The following FAM227B variants were observed in gnomAD, a reference collection of about 807,000 sequenced individuals.
FAM227B encodes the protein family with sequence similarity 227 member B.
Under a neutral mutation model 73.8 loss-of-function variants are expected in FAM227B, and 88 were observed. The observed-to-expected ratio is 1.19, with a 90% CI of 1.00 to 1.42. The LOEUF is 1.42. FAM227B is among the 40% of genes most tolerant of loss of function. The pLI is 0.00. For missense variants in FAM227B, 632 were observed against 590.9 expected (o/e 1.07, Z -0.72); for synonymous variants, 210 against 190.5 (o/e 1.10, Z -0.84).
chr15:49,352,679 C>T (rs1489489418), intron 13 of FAM227B, among the ~76,000 whole-genome samples: 1 of 152,154 alleles, frequency 6.6e-6, no homozygotes, highest in South Asian at 2.1e-4. Context: ...ACATCCTTTT[C>T]CCTAAAGATA....
chr15:49,605,033 T>G (rs565738229), intron 3 of FAM227B, among the ~76,000 whole-genome samples: 1 of 152,240 alleles, frequency 6.6e-6, no homozygotes, highest in East Asian at 1.9e-4. Context: ...AGTTTGTAGA[T>G]CTCTATTTTT....
intron 3 of FAM227B, among the ~76,000 whole-genome samples, chr15:49,602,712 T>C (rs760569160): frequency 1.3e-5 from 2 of 152,202 alleles, no homozygotes; most frequent in East Asian, 1.9e-4. Context: ...GCTCAAGAAA[T>C]CTTTGCCCAG....
chr15:49,435,155 TA>T (rs1467030530), intron 11 of FAM227B, among the ~76,000 whole-genome samples: 1 of 151,492 alleles, frequency 6.6e-6, no homozygotes, highest in Non-Finnish European at 1.5e-5. Flanking sequence ...ATGAATGAAA[TA>T]TTTTTTACTT....
intron 3 of FAM227B, among the ~76,000 whole-genome samples, chr15:49,593,741 T>A (rs1364439504): frequency 6.6e-6 from 1 of 152,216 alleles, no homozygotes; most frequent in Non-Finnish European, 1.5e-5. Flanking sequence ...TCCAACTCCA[T>A]CCAGGTTGCT....
At chr15:49,587,528 A>C (rs1460014149) in intron 5 of FAM227B, among the ~76,000 whole-genome samples, 1 of 152,168 alleles carries the variant, frequency 6.6e-6, no homozygotes, top group Non-Finnish European at 1.5e-5. Flanking sequence ...AGGTGGCTAG[A>C]CTAATGGTGA....
chr15:49,404,120 C>T (rs2048357181), intron 11 of FAM227B, among the ~76,000 whole-genome samples: 1 of 152,024 alleles, frequency 6.6e-6, no homozygotes, highest in African/African-American at 2.4e-5. Context: ...TGTGTGTGGT[C>T]CAAGAGACTG....
At chr15:49,529,246 T>C (rs1307333952) in intron 10 of FAM227B, among the ~76,000 whole-genome samples, 1 of 151,478 alleles carries the variant, frequency 6.6e-6, no homozygotes, top group African/African-American at 2.4e-5. Flanking sequence ...TACCATATAT[T>C]CTCATAAGTG....
At chr15:49,381,537 TTTG>T (rs767940549) in intron 11 of FAM227B, among the ~76,000 whole-genome samples, 27 of 152,214 alleles carry the variant, frequency 1.8e-4, no homozygotes, top group Non-Finnish European at 3.2e-4. Flanking sequence ...AAAATTATTT[TTTG>T]TTATGTAAAA....
At chr15:49,571,047 C>A (rs1250249228) in intron 8 of FAM227B, among the ~76,000 whole-genome samples, 2 of 151,076 alleles carry the variant, frequency 1.3e-5, no homozygotes, top group South Asian at 2.1e-4. Flanking sequence ...CATGAAAATG[C>A]AAATCTTTTC....
At chr15:49,569,697 T>C (rs1458011034) in intron 8 of FAM227B, among the ~76,000 whole-genome samples, 1 of 151,998 alleles carries the variant, frequency 6.6e-6, no homozygotes, top group Non-Finnish European at 1.5e-5. Context: ...CTATTAATTG[T>C]AGTGACCATG....
chr15:49,439,778 C>T (rs374430409), intron 11 of FAM227B, among the ~76,000 whole-genome samples: 2 of 151,644 alleles, frequency 1.3e-5, no homozygotes, highest in Admixed American at 1.3e-4. Context: ...CACTTCGTAG[C>T]ATTGAGAAAG....
chr15:49,456,289 G>T (rs1201492420), intron 11 of FAM227B, among the ~76,000 whole-genome samples: 2 of 152,012 alleles, frequency 1.3e-5, no homozygotes, highest in African/African-American at 4.8e-5. Flanking sequence ...AGAATGCTTT[G>T]TGAAAGAAGT....
chr15:49,416,622 C>G (rs749337577), intron 11 of FAM227B, among the ~76,000 whole-genome samples: 1 of 152,020 alleles, frequency 6.6e-6, no homozygotes, highest in Non-Finnish European at 1.5e-5. Flanking sequence ...TAGTCTCTGT[C>G]CAAAAGCTCT....
chr15:49,508,235 C>T lies in FAM227B; in HGVS notation c.988G>A (p.Asp330Asn). The T allele has an allele frequency of 6.2e-7, 1 of 1,610,838 alleles. No individual in the cohort carries two copies. Among genetic ancestry groups the T allele is most frequent in the African/African-American group, 1.3e-5 (1 of 74,788 alleles). ...PAKSVKERIA[D>N]SQEHISTSID... is the part of the protein sequence containing the mutation. ...CTAGTTGATATATGTTCTTGACTGT[C>T]TGCAATTCTTTCCTTTACTGATTTT... Residue 330 changes from aspartate (D) to asparagine (N), a missense_variant, in exon 11 of 16, where the codon GAC becomes AAC. Coordinates refer to ENST00000299338, the MANE Select transcript of FAM227B (RefSeq NM_152647.3).
intron 11 of FAM227B, among the ~76,000 whole-genome samples, chr15:49,405,978 A>G (rs1567222456): frequency 6.6e-6 from 1 of 152,282 alleles, no homozygotes; most frequent in East Asian, 1.9e-4. Flanking sequence ...GGTAGATTTA[A>G]CCAACTGGCT....
At chr15:49,389,566 A>G (rs903959934) in intron 11 of FAM227B, among the ~76,000 whole-genome samples, 2 of 152,026 alleles carry the variant, frequency 1.3e-5, no homozygotes, top group South Asian at 2.1e-4. Flanking sequence ...GTGCACTAAA[A>G]TCTCAGAATT....
chr15:49,444,118 G>C (rs566643117), intron 11 of FAM227B, among the ~76,000 whole-genome samples: 1 of 151,592 alleles, frequency 6.6e-6, no homozygotes, highest in Non-Finnish European at 1.5e-5. Flanking sequence ...AGCAATGCTG[G>C]GGTAGGCAGT....
intron 9 of FAM227B, among the ~76,000 whole-genome samples, chr15:49,560,737 G>C (rs565510472): frequency 5.9e-5 from 9 of 152,162 alleles, no homozygotes; most frequent in Admixed American, 5.2e-4. Flanking sequence ...CACTGTCAAA[G>C]AAAATAAATT....
At chr15:49,496,039 AAAAT>A (rs1047708778) in intron 11 of FAM227B, among the ~76,000 whole-genome samples, 2 of 152,054 alleles carry the variant, frequency 1.3e-5, no homozygotes, top group African/African-American at 4.8e-5. Context: ...TAAAATAAAT[AAAAT>A]AAATAAATAA....
Sources: allele counts gnomAD v4.1 joint callset (sites outside exome capture counted in the v4.1 genomes callset), GRCh38; gene constraint gnomAD v4.1.1; transcripts MANE v1.5; gene names NCBI Gene and HGNC (gene_info 2026-07-23, HGNC 2026-07-21).